The following ST8SIA6 variants were observed in gnomAD, a reference collection of about 807,000 sequenced individuals.
The protein encoded by ST8SIA6 is ST8 alpha-N-acetyl-neuraminide alpha-2,8-sialyltransferase 6.
A neutral mutation model predicts 33.6 loss-of-function variants in ST8SIA6; 39 were observed. The ratio of observed to expected loss-of-function variants is 1.16; its 90% CI spans 0.90 to 1.52. The LOEUF is 1.52. ST8SIA6 is among the 40% of genes most tolerant of loss of function. The pLI, the probability that ST8SIA6 is intolerant of heterozygous loss-of-function variation, is 0.00. For missense variants in ST8SIA6, 441 were observed against 443.8 expected (o/e 0.99, Z 0.06); for synonymous variants, 172 against 167.2 (o/e 1.03, Z -0.22).
In ST8SIA6 at chr10:17,390,528, T is replaced by C; in HGVS notation, c.290+3A>G. The C allele has an allele frequency of 6.2e-7, 1 of 1,609,818 alleles. No individual in the cohort carries two copies. Among genetic ancestry groups the C allele is most frequent in the Non-Finnish European group, 8.5e-7 (1 of 1,177,024 alleles). The stretch of plus-strand genomic sequence containing the variant: ...GAAATTAAATGTGAAGAGTAGAACT[T>C]ACCCTTTCGTTTTGTTAGAGAAAGA... On this transcript the variant is annotated splice_donor_region_variant and intron_variant, in intron 3 of 7. Coordinates refer to ENST00000377602, the MANE Select transcript of ST8SIA6 (RefSeq NM_001004470.3).
intron 2 of ST8SIA6, among the ~76,000 whole-genome samples, chr10:17,391,870 C>A (rs376219605): frequency 2.0e-5 from 3 of 152,130 alleles, no homozygotes; most frequent in East Asian, 3.9e-4. Context: ...ATTGTGCTTA[C>A]CTCATAGTGT....
intron 3 of ST8SIA6, among the ~76,000 whole-genome samples, chr10:17,366,353 A>C (rs1849558685): frequency 6.6e-6 from 1 of 152,156 alleles, no homozygotes; most frequent in Non-Finnish European, 1.5e-5. Context: ...TCAGAGATTA[A>C]CTCCTGAAGA....
intron 4 of ST8SIA6, among the ~76,000 whole-genome samples, chr10:17,355,599 A>G (rs1349181673): frequency 4.6e-5 from 7 of 152,028 alleles, no homozygotes; most frequent in Non-Finnish European, 1.0e-4. Context: ...ACCAGCCCCT[A>G]CCTGCTCTGA....
intron 2 of ST8SIA6, among the ~76,000 whole-genome samples, chr10:17,401,379 T>C (rs1164284695): frequency 3.9e-5 from 6 of 152,110 alleles, no homozygotes; most frequent in African/African-American, 7.2e-5. Context: ...AGATACAGTG[T>C]CATCCCCATC....
chr10:17,435,987 C>T (rs1195979133), intron 2 of ST8SIA6, among the ~76,000 whole-genome samples: 1 of 152,148 alleles, frequency 6.6e-6, no homozygotes, highest in East Asian at 1.9e-4. Context: ...CCGCACATAG[C>T]ACCTGTTTCA....
Position 17,390,618 on chromosome 10 carries a change from G to C in ST8SIA6, c.203C>G (p.Thr68Arg). 1 of 1,608,718 alleles carries C rather than the reference G, an allele frequency of 6.2e-7. No individual in the cohort carries two copies. The highest frequency in any genetic ancestry group is 1.1e-5 in the South Asian group (1 of 90,232). ...ATAVPRATNS[T>R]YLNEKSLQLT... ...TTGGAGCGACTTCTCATTCAGATATGTGCTGTTTCATGAAAGAGATTTTTA... is the reference window on the plus strand; with the variant it reads ...TTGGAGCGACTTCTCATTCAGATATCTGCTGTTTCATGAAAGAGATTTTTA... Residue 68 changes from threonine to arginine, a missense_variant and splice_region_variant, in exon 3 of 8, where the codon ACA (threonine) becomes AGA (arginine). Thr to Arg is a moderately conservative substitution (Grantham distance 71). Coordinates refer to ENST00000377602, the MANE Select transcript of ST8SIA6 (RefSeq NM_001004470.3).
In ST8SIA6 at chr10:17,320,790, C is replaced by T; in HGVS notation, c.*88G>A. On this transcript the variant is annotated 3_prime_UTR_variant, in exon 8 of 8. Transcript: ENST00000377602. ...AAATTTTGGGGCTCATCTCAAAATACTCTTTAGCCACCTCCTTTGGTGTTT... is the reference window on the plus strand; with the variant it reads ...AAATTTTGGGGCTCATCTCAAAATATTCTTTAGCCACCTCCTTTGGTGTTT... 6 of 1,427,202 alleles carry T rather than the reference C, an allele frequency of 4.2e-6. No individual in the cohort carries two copies. Among genetic ancestry groups the T allele is most frequent in the Non-Finnish European group, 4.8e-6 (5 of 1,042,258 alleles). The allele number at this position is 1,427,202 out of a possible 1,614,324, so 88.4% of individuals were successfully genotyped here.
intron 6 of ST8SIA6, among the ~76,000 whole-genome samples, chr10:17,324,990 T>C (rs867386474): frequency 4.2e-5 from 6 of 144,468 alleles, no homozygotes; most frequent in South Asian, 4.3e-4. Context: ...ATAATATGTA[T>C]ACATATTATA....
chr10:17,331,645 C>T (rs1314253105), intron 4 of ST8SIA6, 93 bp from the exon 5 acceptor site: 1 of 1,280,462 alleles, frequency 7.8e-7, no homozygotes, highest in Non-Finnish European at 1.0e-6. Flanking sequence ...AGGATTTTGC[C>T]AAACTGACTT....
At chr10:17,366,054 T>A (rs998509061) in intron 3 of ST8SIA6, among the ~76,000 whole-genome samples, 1 of 152,312 alleles carries the variant, frequency 6.6e-6, no homozygotes, top group East Asian at 1.9e-4. Context: ...GTCAATCATT[T>A]CCACTGGGTA....
intron 2 of ST8SIA6, among the ~76,000 whole-genome samples, chr10:17,406,235 C>A (rs1319103350): frequency 1.3e-5 from 2 of 152,150 alleles, no homozygotes; most frequent in Non-Finnish European, 2.9e-5. Flanking sequence ...TTCTACCCTC[C>A]CCCTATTTTG....
intron 2 of ST8SIA6, among the ~76,000 whole-genome samples, chr10:17,421,775 C>T (rs1851786807): frequency 6.6e-6 from 1 of 152,052 alleles, no homozygotes; most frequent in Non-Finnish European, 1.5e-5. Flanking sequence ...GTATGGTATC[C>T]AGGCTGGTCT....
At chr10:17,324,708 T>TAC (rs6143806) in intron 6 of ST8SIA6, among the ~76,000 whole-genome samples, 56,621 of 139,746 alleles carry the variant, frequency 0.41, 12,004 homozygotes, top group East Asian at 0.85. Flanking sequence ...ATATAGAGTA[T>TAC]ACACACACAC....
rs140126801 is a variant in ST8SIA6, at chr10:17,374,995, G to A, written c.291-15395C>T. On this transcript the variant is annotated intron_variant, in intron 3 of 7. Coordinates refer to ENST00000377602, the MANE Select transcript of ST8SIA6 (RefSeq NM_001004470.3). The stretch of plus-strand genomic sequence containing the variant: ...TCTGTCACCCAGGCTGGAGTGCAGG[G>A]TTGTGATCATAGCTCACTGCAGCCT... 6.6e-5 allele frequency among the ~76,000 whole-genome samples: 10 copies of A among 151,834 alleles called. No individual in the cohort carries two copies. In the East Asian group the frequency reaches 2.0e-3, roughly 30 times the overall value.
chr10:17,364,924 G>GA (rs1274243283), intron 3 of ST8SIA6, among the ~76,000 whole-genome samples: 2 of 152,208 alleles, frequency 1.3e-5, no homozygotes, highest in South Asian at 4.1e-4. Context: ...TGACAAAACT[G>GA]AAAGTTCTGA....
intron 4 of ST8SIA6, among the ~76,000 whole-genome samples, chr10:17,344,924 T>C (rs1288278860): frequency 3.9e-5 from 6 of 152,188 alleles, no homozygotes; most frequent in Non-Finnish European, 1.5e-5. Context: ...GGATATCTTT[T>C]CACGTGGACA....
intron 2 of ST8SIA6, among the ~76,000 whole-genome samples, chr10:17,391,443 T>C (rs1053428947): frequency 2.6e-5 from 4 of 151,718 alleles, no homozygotes; most frequent in African/African-American, 9.7e-5. Flanking sequence ...TGTATTTTTT[T>C]AGTAGAGACG....
chr10:17,424,025 C>T (rs1387929682), intron 2 of ST8SIA6, among the ~76,000 whole-genome samples: 1 of 152,184 alleles, frequency 6.6e-6, no homozygotes, highest in Non-Finnish European at 1.5e-5. Context: ...AACTTTCTGC[C>T]TGCAGCAACA....
At chr10:17,433,260 C>T (rs771042721) in intron 2 of ST8SIA6, among the ~76,000 whole-genome samples, 1 of 152,108 alleles carries the variant, frequency 6.6e-6, no homozygotes, top group Non-Finnish European at 1.5e-5. Context: ...GTTAAACACA[C>T]GTGACACATC....
Sources: gnomAD v4.1 joint callset for allele counts (sites outside exome capture counted in the v4.1 genomes callset) on GRCh38, gnomAD v4.1.1 for gene constraint, MANE v1.5 for transcripts, NCBI Gene and HGNC (gene_info 2026-07-23, HGNC 2026-07-21) for gene names.